Variants in MKX observed in about 807,000 individuals in gnomAD.
The protein encoded by MKX is mohawk homeobox, also known as homeobox protein Mohawk.
Under a neutral mutation model 36.0 loss-of-function variants are expected in MKX, and 13 were observed. The observed-to-expected ratio is 0.36, with a 90% CI of 0.24 to 0.57. MKX has a LOEUF of 0.57. Ranked by LOEUF, MKX falls within the 20% of genes least tolerant of loss-of-function variation. The pLI is 0.79. For synonymous variants in MKX, 176 were observed against 178.3 expected (o/e 0.99, Z 0.10); for missense variants, 458 against 456.4 (o/e 1.00, Z -0.03).
intron 5 of MKX, among the ~76,000 whole-genome samples, chr10:27,701,594 GTTT>G (rs947519199): frequency 2.1e-5 from 3 of 141,458 alleles, no homozygotes; most frequent in Non-Finnish European, 4.6e-5. Flanking sequence ...TAAAATTATT[GTTT>G]TTAATATTAA....
rs1290129984 is a variant in MKX at position 27,744,208 on chromosome 10, G to T, written c.-82-711C>A. Among the ~76,000 whole-genome samples, 2 of 151,878 alleles carry T rather than the reference G, an allele frequency of 1.3e-5. No individual in the cohort carries two copies. Among genetic ancestry groups the T allele is most frequent in the African/African-American group, 2.4e-5 (1 of 41,354 alleles). ...GAATCTTCCTATCATCCCCCAACGC[G>T]CCCCGGGAAGTGCATGGTCCTAAGG... On this transcript the variant is annotated intron_variant, in intron 1 of 6. Coordinates refer to ENST00000419761, the MANE Select transcript of MKX (RefSeq NM_173576.3). The surrounding 1 kb of genome is among the most constrained non-coding windows in gnomAD (Gnocchi z 5.6).
chr10:27,680,222 C>T (rs1419544993), intron 5 of MKX, among the ~76,000 whole-genome samples: 1 of 152,106 alleles, frequency 6.6e-6, no homozygotes, highest in Non-Finnish European at 1.5e-5. Flanking sequence ...TCAGCCTCTC[C>T]AAAGTCTGAG....
intron 5 of MKX, among the ~76,000 whole-genome samples, chr10:27,700,455 T>G (rs2492915): frequency 0.8 from 121,990 of 152,070 alleles, 48,996 homozygotes; most frequent in Admixed American, 0.84. Flanking sequence ...TCGGTAAAAA[T>G]CAAAAGCTCA....
Position 27,675,310 on chromosome 10 carries a change from T to A in MKX, c.978A>T (p.Gly326=). 1 of 1,614,222 alleles carries A rather than the reference T, an allele frequency of 6.2e-7. No homozygotes were observed. Among genetic ancestry groups the A allele is most frequent in the Non-Finnish European group, 8.5e-7 (1 of 1,180,024 alleles). Reference sequence around the variant, plus strand: ...ACTTCTGGATGATGCAGCTGGTAGTTCCCTGCAGTTTGTCCTTTCCCTGTG... The same window carrying A: ...ACTTCTGGATGATGCAGCTGGTAGTACCCTGCAGTTTGTCCTTTCCCTGTG... ...NLAQGKDKLQ[G]TTSCIIQKSS... is the part of the protein sequence containing the mutation. Residue 326 remains glycine, a synonymous_variant, in exon 7 of 7, where the codon GGA becomes GGT. Coordinates refer to ENST00000419761, the MANE Select transcript of MKX (RefSeq NM_173576.3).
chr10:27,737,700 G>C (rs1440624521), intron 3 of MKX, among the ~76,000 whole-genome samples: 4 of 152,024 alleles, frequency 2.6e-5, no homozygotes, highest in Non-Finnish European at 2.9e-5. Flanking sequence ...TTCACACACA[G>C]AGTACAGCCT....
intron 5 of MKX, among the ~76,000 whole-genome samples, chr10:27,731,663 A>G (rs1303975153): frequency 6.6e-6 from 1 of 152,212 alleles, no homozygotes; most frequent in African/African-American, 2.4e-5. Context: ...ACTAAAAAAA[A>G]AAAATAGGCT....
chr10:27,730,832 A>G (rs537818584), intron 5 of MKX, among the ~76,000 whole-genome samples: 2 of 151,912 alleles, frequency 1.3e-5, no homozygotes, highest in Non-Finnish European at 2.9e-5. Flanking sequence ...ATGGATGAAT[A>G]ATTGGATAAA....
rs138675880 is a variant in MKX at position 27,691,246 on chromosome 10, G to A, written c.839-15692C>T. Reference sequence around the variant, plus strand: ...GAAGTCTTCAAAGGGGAAGGTTCCTGGATCCCATCTCTGAGATTGTGTTCA... The same window carrying A: ...GAAGTCTTCAAAGGGGAAGGTTCCTAGATCCCATCTCTGAGATTGTGTTCA... On this transcript the variant is annotated intron_variant, in intron 5 of 6. Transcript: ENST00000419761. Among the ~76,000 whole-genome samples, 510 of 152,260 alleles carry A rather than the reference G, an allele frequency of 3.3e-3. 3 individuals carry two copies. Among genetic ancestry groups the A allele is most frequent in the African/African-American group, 0.01 (421 of 41,558 alleles).
At chr10:27,704,576 G>T (rs896718212) in intron 5 of MKX, among the ~76,000 whole-genome samples, 1 of 152,070 alleles carries the variant, frequency 6.6e-6, no homozygotes, top group Non-Finnish European at 1.5e-5. Flanking sequence ...TTAAAATATG[G>T]TATTTCCAAT....
chr10:27,742,482 C>CA lies in MKX; in HGVS notation c.188+745dup, dbSNP rs1310016430. ...GACGCCGCAGAACAAGCAGCTGATG[C>CA]AATCGTTCAGGTGGAGGCGGCTAGG... On this transcript the variant is annotated intron_variant, in intron 2 of 6. Transcript: ENST00000419761. The surrounding 1 kb of genome is among the most constrained non-coding windows in gnomAD (Gnocchi z 4.2). Among the ~76,000 whole-genome samples the CA allele has an allele frequency of 6.6e-6, 1 of 152,144 alleles. No homozygotes were observed. Among genetic ancestry groups the CA allele is most frequent in the Non-Finnish European group, 1.5e-5 (1 of 68,006 alleles).
At chr10:27,703,425 A>G (rs1836695630) in intron 5 of MKX, among the ~76,000 whole-genome samples, 1 of 151,996 alleles carries the variant, frequency 6.6e-6, no homozygotes, top group Non-Finnish European at 1.5e-5. Flanking sequence ...ATGAGCAGGC[A>G]TTGATTGAAA....
At chr10:27,732,118 TAAAG>T (rs1834644183) in intron 5 of MKX, among the ~76,000 whole-genome samples, 1 of 152,322 alleles carries the variant, frequency 6.6e-6, no homozygotes, top group East Asian at 1.9e-4. Flanking sequence ...ATCAGTATTA[TAAAG>T]AAAGATCTTG....
Position 27,689,810 on chromosome 10 carries a change from C to T in MKX, c.839-14256G>A, listed in dbSNP as rs770946069. 2.6e-5 allele frequency among the ~76,000 whole-genome samples: 4 copies of T among 152,098 alleles called. No homozygotes were observed. In the South Asian group the frequency reaches 6.2e-4, roughly 24 times the overall value. The stretch of plus-strand genomic sequence containing the variant: ...GTAGCCTCCAAAAAAAGGAAGAGAC[C>T]GGTCACCCCTACTTTTAAATGAGAA... On this transcript the variant is annotated intron_variant, in intron 5 of 6. Transcript: ENST00000419761.
At chr10:27,712,679 TG>T (rs1232978057) in intron 5 of MKX, among the ~76,000 whole-genome samples, 1 of 152,130 alleles carries the variant, frequency 6.6e-6, no homozygotes, top group Non-Finnish European at 1.5e-5. Context: ...CCAGGCACAG[TG>T]GCTCAGGCCT....
Position 27,734,553 on chromosome 10 carries a change from T to A in MKX, c.741A>T (p.Gln247His), listed in dbSNP as rs760341032. 1.2e-6 allele frequency: 2 copies of A among 1,614,200 alleles called. No homozygotes were observed. Among genetic ancestry groups the A allele is most frequent in the South Asian group, 2.2e-5 (2 of 91,080 alleles). Reference protein sequence around the residue: ...TNTTMMGKTRQRNHSGSFSSN... With the variant: ...TNTTMMGKTRHRNHSGSFSSN... ...AGCTAAAAGATCCCGAGTGGTTTCT[T>A]TGCCTTGTTTTTCCCATCATGGTAG... The change falls in exon 5 of 7, where the codon CAA becomes CAT. Residue 247 changes from glutamine to histidine, a missense_variant. Physicochemically the swap from Gln to His is conservative, Grantham distance 24. Transcript: ENST00000419761.
chr10:27,735,443 A>G, intron 3 of MKX, 69 bp from the exon 4 acceptor site: 1 of 1,365,646 alleles, frequency 7.3e-7, no homozygotes. Flanking sequence ...ATTTTCTCAT[A>G]AAGGAGCTAA....
rs1554772224 is a variant in MKX at position 27,711,499 on chromosome 10, T to TCTCCCTTCCTTCCTTCCTTCCTTCC, written c.838+22956_838+22957insGGAAGGAAGGAAGGAAGGAAGGGAG. 1.2e-4 allele frequency among the ~76,000 whole-genome samples: 11 copies of TCTCCCTTCCTTCCTTCCTTCCTTCC among 93,076 alleles called. 1 individual carries two copies. The highest frequency in any genetic ancestry group is 5.7e-4 in the African/African-American group (11 of 19,314). 61.1% of individuals were successfully genotyped at this position (93,076 alleles called of 152,430 possible). On this transcript the variant is annotated intron_variant, in intron 5 of 6. Coordinates refer to ENST00000419761, the MANE Select transcript of MKX (RefSeq NM_173576.3). ...TCTTTCTTTCTCTCTCTCTCTCTTC[T>TCTCCCTTCCTTCCTTCCTTCCTTCC]TTCCTTCCTTCCTTCCTTCCTTCCT...
intron 5 of MKX, among the ~76,000 whole-genome samples, chr10:27,731,655 TAA>T (rs55866062): frequency 1.7e-3 from 260 of 149,908 alleles, no homozygotes; most frequent in African/African-American, 5.1e-3. Flanking sequence ...CTTGCATAAC[TAA>T]AAAAAAAAAA....
At chr10:27,709,340 G>A (rs767571221) in intron 5 of MKX, among the ~76,000 whole-genome samples, 6 of 152,102 alleles carry the variant, frequency 3.9e-5, no homozygotes, top group East Asian at 3.8e-4. Context: ...AGGGGGATGC[G>A]TGCAGGTCAC....
Sources: gnomAD v4.1 joint callset for allele counts (sites outside exome capture counted in the v4.1 genomes callset) on GRCh38, gnomAD v4.1.1 for gene constraint, Gnocchi (gnomAD v3.1) non-coding constraint, MANE v1.5 for transcripts, NCBI Gene and HGNC (gene_info 2026-07-23, HGNC 2026-07-21) for gene names.